The following TCERG1 variants were observed in gnomAD, a reference collection of about 807,000 sequenced individuals.
TCERG1 encodes the protein transcription elongation regulator 1.
TCERG1 carries 37 observed loss-of-function variants against 144.7 expected under a neutral mutation model. That is an observed-to-expected ratio of 0.26 (90% confidence interval 0.20 to 0.34). The LOEUF (loss-of-function observed/expected upper bound fraction) is 0.34. Ranked by LOEUF, TCERG1 falls within the 10% of genes least tolerant of loss-of-function variation. TCERG1 has a pLI of 1.00. For missense variants in TCERG1, 1,027 were observed against 1,380.7 expected, an observed-to-expected ratio of 0.74 and a Z score of 4.06; for synonymous variants, 492 against 458.2, an observed-to-expected ratio of 1.07 and a Z score of -0.94.
rs183780634 is a variant in TCERG1 at position 146,459,066 on chromosome 5, T to G, written c.621T>G (p.Ala207=). The change falls in exon 4 of 23, where the codon GCT becomes GCG. Residue 207 remains alanine (A), a synonymous_variant. Transcript: ENST00000679501. ...AQAQAQAQAQ[A]QAQAQAQAQA... Reference sequence around the variant, plus strand: ...CCCAGGCACAAGCTCAGGCCCAGGCTCAGGCTCAGGCCCAGGCCCAGGCCC... The same window carrying G: ...CCCAGGCACAAGCTCAGGCCCAGGCGCAGGCTCAGGCCCAGGCCCAGGCCC... 7 of 1,568,134 alleles carry G rather than the reference T, an allele frequency of 4.5e-6. No individual in the cohort carries two copies. The highest frequency in any genetic ancestry group is 1.7e-4 in the Middle Eastern group (1 of 5,868).
At chr5:146,481,259 G>C (rs1765338901) in intron 13 of TCERG1, 59 bp downstream of exon 13, 4 of 790,906 alleles carry the variant, frequency 5.1e-6, no homozygotes, top group Non-Finnish European at 6.1e-6. Flanking sequence ...CCTTTATTGA[G>C]ATAGATAGTG....
At chr5:146,472,359 G>T (rs1764394227) in intron 9 of TCERG1, among the ~76,000 whole-genome samples, 1 of 151,944 alleles carries the variant, frequency 6.6e-6, no homozygotes, top group African/African-American at 2.4e-5. Context: ...TCAACAGCAT[G>T]TGCTCATTTT....
chr5:146,494,456 G>T (rs565995072), intron 16 of TCERG1, among the ~76,000 whole-genome samples: 9 of 152,058 alleles, frequency 5.9e-5, no homozygotes. Context: ...TTACCATATC[G>T]TAGTACTCTA....
At chr5:146,463,847 A>T (rs1581414342) in intron 5 of TCERG1, 54 bp downstream of exon 5, 4 of 1,607,834 alleles carry the variant, frequency 2.5e-6, no homozygotes, top group South Asian at 2.2e-5. Flanking sequence ...ATTGTCAGTT[A>T]GTTTGTTCTC....
chr5:146,454,199 C>CAAAAA (rs781116110), intron 1 of TCERG1, among the ~76,000 whole-genome samples: 4 of 122,972 alleles, frequency 3.3e-5, no homozygotes, highest in African/African-American at 6.1e-5. Flanking sequence ...GACTTGGTCT[C>CAAAAA]AAAAAAAAAA....
chr5:146,454,505 A>C (rs1459517691), intron 1 of TCERG1, among the ~76,000 whole-genome samples: 2 of 152,104 alleles, frequency 1.3e-5, no homozygotes, highest in African/African-American at 2.4e-5. Context: ...CTCTTGTCTA[A>C]ATTTTTGCCT....
intron 15 of TCERG1, among the ~76,000 whole-genome samples, chr5:146,484,826 C>A (rs1156726084): frequency 6.6e-6 from 1 of 152,134 alleles, no homozygotes. Flanking sequence ...TTTTATTAAT[C>A]ATTTCCCCCA....
intron 3 of TCERG1, 25 bp from the exon 4 acceptor site, chr5:146,458,859 C>A (rs984238965): frequency 1.9e-6 from 3 of 1,577,396 alleles, no homozygotes; most frequent in Non-Finnish European, 2.6e-6. Context: ...TTTTATGATA[C>A]CATTGATTTT....
At chr5:146,505,565 C>G (rs1474124693) in intron 19 of TCERG1, 1 of 152,202 alleles carries the variant, frequency 6.6e-6, no homozygotes, top group African/African-American at 2.4e-5. Flanking sequence ...AGTCCCTCTA[C>G]CTGATATGAT....
At chr5:146,487,061 C>G (rs989462223) in intron 15 of TCERG1, among the ~76,000 whole-genome samples, 2 of 151,294 alleles carry the variant, frequency 1.3e-5, no homozygotes, top group Non-Finnish European at 2.9e-5. Flanking sequence ...TCGCACTCCA[C>G]CCTGGGTGAC....
At chr5:146,485,753 G>A (rs775118613) in intron 15 of TCERG1, among the ~76,000 whole-genome samples, 8 of 152,078 alleles carry the variant, frequency 5.3e-5, no homozygotes, top group African/African-American at 1.7e-4. Context: ...GAGTGCAGTG[G>A]CGCCATCTCA....
intron 4 of TCERG1, among the ~76,000 whole-genome samples, chr5:146,461,403 G>A (rs1047649335): frequency 6.6e-6 from 1 of 152,068 alleles, no homozygotes; most frequent in African/African-American, 2.4e-5. Context: ...ATCTGAGGCT[G>A]GGTTAGTATA....
At chr5:146,465,685 G>C (rs1004195894) in intron 5 of TCERG1, among the ~76,000 whole-genome samples, 16 of 152,142 alleles carry the variant, frequency 1.1e-4, no homozygotes, top group Non-Finnish European at 2.2e-4. Flanking sequence ...AGTTGGAAGA[G>C]AACTTGAATT....
chr5:146,482,541 T>G (rs1264390934), intron 13 of TCERG1, 51 bp from the exon 14 acceptor site: 2 of 1,518,514 alleles, frequency 1.3e-6, no homozygotes, highest in Non-Finnish European at 1.8e-6. Context: ...TCTAATAAGA[T>G]CTGAGAATTA....
chr5:146,452,318 G>A (rs745864988), intron 1 of TCERG1, among the ~76,000 whole-genome samples: 2 of 152,098 alleles, frequency 1.3e-5, no homozygotes, highest in Non-Finnish European at 2.9e-5. Flanking sequence ...TATGTATAAT[G>A]TAGATGTATA....
intron 11 of TCERG1, 57 bp downstream of exon 11, chr5:146,479,968 C>A: frequency 1.9e-6 from 3 of 1,602,906 alleles, no homozygotes; most frequent in South Asian, 2.2e-5. Context: ...AGCAAGTGTT[C>A]TGGTAGTGAT....
At chr5:146,493,818 A>G (rs1393918658) in intron 16 of TCERG1, among the ~76,000 whole-genome samples, 1 of 152,024 alleles carries the variant, frequency 6.6e-6, no homozygotes, top group Non-Finnish European at 1.5e-5. Flanking sequence ...TTTATGACTT[A>G]GATGTAAGAG....
chr5:146,486,597 A>G (rs1365435301), intron 15 of TCERG1, among the ~76,000 whole-genome samples: 3 of 152,234 alleles, frequency 2.0e-5, no homozygotes, highest in Non-Finnish European at 4.4e-5. Context: ...GAAGAAGACA[A>G]GGATACCCAC....
chr5:146,492,259 CTT>C (rs1486890048), intron 15 of TCERG1, among the ~76,000 whole-genome samples: 1 of 152,124 alleles, frequency 6.6e-6, no homozygotes, highest in Non-Finnish European at 1.5e-5. Flanking sequence ...TGAGTTGCCT[CTT>C]TGTTTTTCTT....
Sources: gnomAD v4.1 joint callset for allele counts (sites outside exome capture counted in the v4.1 genomes callset) on GRCh38, gnomAD v4.1.1 for gene constraint, MANE v1.5 for transcripts, NCBI Gene and HGNC (gene_info 2026-07-23, HGNC 2026-07-21) for gene names.